The following FTO variants were observed in gnomAD, a reference collection of about 807,000 sequenced individuals.
FTO encodes FTO alpha-ketoglutarate dependent dioxygenase.
FTO carries 47 observed loss-of-function variants against 63.9 expected under a neutral mutation model. The observed-to-expected ratio is 0.74, with a 90% CI of 0.58 to 0.94. FTO has a LOEUF of 0.94. Among genes scored for constraint, FTO ranks in the 40% least tolerant of loss-of-function variants. The pLI, the probability that FTO is intolerant of heterozygous loss-of-function variation, is 0.00. For missense variants in FTO, 562 were observed against 618.1 expected, an observed-to-expected ratio of 0.91 and a Z score of 0.96; for synonymous variants, 207 against 224.4, an observed-to-expected ratio of 0.92 and a Z score of 0.69.
At chr16:53,933,480 A>T (rs2082324852) in intron 7 of FTO, among the ~76,000 whole-genome samples, 1 of 152,210 alleles carries the variant, frequency 6.6e-6, no homozygotes, top group Admixed American at 6.5e-5. Flanking sequence ...AAAATGAGTG[A>T]ATCTTCCCCC....
intron 8 of FTO, among the ~76,000 whole-genome samples, chr16:54,106,615 TAATA>T (rs1410430004): frequency 1.4e-5 from 2 of 140,008 alleles, no homozygotes; most frequent in East Asian, 2.0e-4. Context: ...TATAATTATA[TAATA>T]AATATATAAA....
At chr16:53,739,943 A>G (rs149764654) in intron 1 of FTO, among the ~76,000 whole-genome samples, 1,603 of 152,334 alleles carry the variant, frequency 0.011, 13 homozygotes, top group Middle Eastern at 0.048. Context: ...GCCATCATAG[A>G]TCTATAGAGG....
At chr16:53,965,280 T>G (rs1403803885) in intron 8 of FTO, among the ~76,000 whole-genome samples, 1 of 152,202 alleles carries the variant, frequency 6.6e-6, no homozygotes, top group Non-Finnish European at 1.5e-5. Flanking sequence ...TTCACCATAT[T>G]GGCCAGGTTG....
intron 1 of FTO, among the ~76,000 whole-genome samples, chr16:53,774,409 A>G (rs2077415199): frequency 6.6e-6 from 1 of 152,120 alleles, no homozygotes; most frequent in South Asian, 2.1e-4. Flanking sequence ...TTCCAAGGTG[A>G]GTTGTAGAAA....
At chr16:53,704,150 C>T, upstream of FTO, 5 of 1,550,540 alleles carry the variant, frequency 3.2e-6, no homozygotes, top group Admixed American at 2.0e-5. Context: ...GGGATCTACG[C>T]AGCTTGCGGT....
At chr16:53,988,405 A>C (rs1370831201) in intron 8 of FTO, among the ~76,000 whole-genome samples, 1 of 152,214 alleles carries the variant, frequency 6.6e-6, no homozygotes, top group Non-Finnish European at 1.5e-5. Context: ...GCTATGAAGA[A>C]AAAATTCTGG....
chr16:53,866,509 G>A (rs755419023), intron 4 of FTO, among the ~76,000 whole-genome samples: 4 of 152,052 alleles, frequency 2.6e-5, no homozygotes, highest in Non-Finnish European at 4.4e-5. Flanking sequence ...TGGGCCTGGC[G>A]CTTTGGAAAC....
intron 7 of FTO, among the ~76,000 whole-genome samples, chr16:53,910,765 A>G (rs981000704): frequency 6.6e-6 from 1 of 152,154 alleles, no homozygotes; most frequent in African/African-American, 2.4e-5. Flanking sequence ...CAAACTCCTG[A>G]CCTCAGGGGA....
intron 1 of FTO, among the ~76,000 whole-genome samples, chr16:53,706,668 G>A (rs79627900): frequency 0.058 from 8,822 of 152,158 alleles, 471 homozygotes; most frequent in East Asian, 0.31. Flanking sequence ...CAAAGTACTG[G>A]GATTATAGGC....
intron 6 of FTO, among the ~76,000 whole-genome samples, chr16:53,883,221 T>C (rs1195003576): frequency 6.6e-6 from 1 of 152,214 alleles, no homozygotes; most frequent in African/African-American, 2.4e-5. Context: ...TGTATTTCCC[T>C]ATCCTTTCTC....
At chr16:53,787,745 G>T (rs1482941479) in intron 1 of FTO, among the ~76,000 whole-genome samples, 4 of 152,098 alleles carry the variant, frequency 2.6e-5, no homozygotes, top group Non-Finnish European at 5.9e-5. Flanking sequence ...AGTAGACCAG[G>T]TGGGCCAAAT....
intron 4 of FTO, among the ~76,000 whole-genome samples, chr16:53,869,810 A>C (rs2151871181): frequency 6.6e-6 from 1 of 152,092 alleles, no homozygotes; most frequent in East Asian, 1.9e-4. Context: ...AATAGTAATC[A>C]TAGTTTCAAA....
intron 3 of FTO, among the ~76,000 whole-genome samples, chr16:53,835,646 C>G (rs1408872902): frequency 6.6e-6 from 1 of 151,452 alleles, no homozygotes; most frequent in Non-Finnish European, 1.5e-5. Context: ...TGATATTTTT[C>G]ACTCATTTTA....
chr16:53,730,461 T>C (rs541115701), intron 1 of FTO, among the ~76,000 whole-genome samples: 2 of 152,208 alleles, frequency 1.3e-5, no homozygotes, highest in African/African-American at 2.4e-5. Flanking sequence ...CTGTATAGCA[T>C]TGTCATGATT....
At chr16:53,998,160 A>G (rs1320035140) in intron 8 of FTO, among the ~76,000 whole-genome samples, 2 of 152,204 alleles carry the variant, frequency 1.3e-5, no homozygotes, top group Non-Finnish European at 2.9e-5. Flanking sequence ...AGAGCAGAAC[A>G]TGGGGAAAGG....
At chr16:54,090,532 G>A (rs561099999) in intron 8 of FTO, among the ~76,000 whole-genome samples, 36 of 152,104 alleles carry the variant, frequency 2.4e-4, no homozygotes, top group Admixed American at 1.1e-3. Context: ...GATTCAAATG[G>A]CATATTTTTG....
chr16:53,778,763 G>A (rs1224121921), intron 1 of FTO, among the ~76,000 whole-genome samples: 3 of 152,022 alleles, frequency 2.0e-5, no homozygotes, highest in Admixed American at 6.6e-5. Flanking sequence ...AATTCCTGGG[G>A]CCTGATTTTT....
chr16:53,931,821 A>T lies in FTO; in HGVS notation c.1240-2164A>T, dbSNP rs186068558. ...CATTTGACCCACATGGTATTTTTTT[A>T]AAAAATTTTAATGAGTTTACAAGAT... On this transcript the variant is annotated intron_variant, in intron 7 of 8. Transcript: ENST00000471389. Among the ~76,000 whole-genome samples, 164 of 151,918 alleles carry T rather than the reference A, an allele frequency of 1.1e-3. 1 individual carries two copies. Among genetic ancestry groups the T allele is most frequent in the African/African-American group, 3.7e-3 (153 of 41,420 alleles).
rs186636780 is a variant in FTO at position 53,836,986 on chromosome 16, C to T, written c.752-7169C>T. 3.3e-5 allele frequency among the ~76,000 whole-genome samples: 5 copies of T among 152,276 alleles called. No individual in the cohort carries two copies. In the East Asian group the frequency reaches 5.8e-4, roughly 18 times the overall value. ...GTTCTGGTTTCTGTGTTATTTACAA[C>T]GTAAGGGTTTCCTGTGAGTCTCCAC... On this transcript the variant is annotated intron_variant, in intron 3 of 8. Transcript: ENST00000471389.
Sources: gnomAD v4.1 joint callset for allele counts (sites outside exome capture counted in the v4.1 genomes callset) on GRCh38, gnomAD v4.1.1 for gene constraint, MANE v1.5 for transcripts, NCBI Gene and HGNC (gene_info 2026-07-23, HGNC 2026-07-21) for gene names.